DOCK3: variants seen among roughly 807,000 people sequenced by gnomAD.
The protein encoded by DOCK3 is dedicator of cytokinesis 3, also known as dedicator of cytokinesis protein 3.
Under a neutral mutation model 265.6 loss-of-function variants are expected in DOCK3, and 60 were observed. The observed-to-expected ratio is 0.23, with a 90% CI of 0.18 to 0.28. The LOEUF (loss-of-function observed/expected upper bound fraction) is 0.28, where lower values mean the gene tolerates loss of function less well. DOCK3 is among the 10% of genes least tolerant of loss of function. The probability of loss-of-function intolerance (pLI) is 1.00; values close to 1 mark genes in which losing one functional copy is unlikely to be tolerated. For synonymous variants in DOCK3, 881 were observed against 938.0 expected (o/e 0.94, Z 1.11); for missense variants, 1,981 against 2,594.3 (o/e 0.76, Z 5.14).
At chr3:51,031,595 CTTAG>C (rs1346557198) in intron 5 of DOCK3, among the ~76,000 whole-genome samples, 2 of 152,130 alleles carry the variant, frequency 1.3e-5, no homozygotes, top group East Asian at 1.9e-4. Context: ...CAATAATGTT[CTTAG>C]TTAGTATTTT....
chr3:51,341,353 C>G lies in DOCK3; in HGVS notation c.3883C>G (p.Arg1295Gly), dbSNP rs770085171. The G allele has an allele frequency of 5.0e-6, 8 of 1,613,816 alleles. No individual in the cohort carries two copies. The highest frequency in any genetic ancestry group is 1.7e-4 in the Middle Eastern group (1 of 6,060). ...TEWQRKEGLC[R>G]KIIHYFNKGK... ...GTGGCAGCGGAAGGAGGGACTGTGC[C>G]GGAAGATCATTCACTACTTCAACAA... The change falls in exon 38 of 53, where the codon CGG becomes GGG. Residue 1295 changes from arginine (R) to glycine (G), a missense_variant. Transcript: ENST00000266037.
chr3:50,730,517 C>T (rs1381581620), intron 1 of DOCK3, among the ~76,000 whole-genome samples: 1 of 152,158 alleles, frequency 6.6e-6, no homozygotes, highest in Non-Finnish European at 1.5e-5. Flanking sequence ...TAACCTTGAT[C>T]CAAAGCCTAA....
chr3:51,231,773 G>A (rs3856932), intron 19 of DOCK3, among the ~76,000 whole-genome samples: 127,028 of 152,198 alleles, frequency 0.83, 53,609 homozygotes, highest in Middle Eastern at 0.91. Context: ...TTAAAGTCAC[G>A]TTTGTCAATT....
chr3:51,189,664 A>G (rs1446829272), intron 12 of DOCK3, among the ~76,000 whole-genome samples: 2 of 152,176 alleles, frequency 1.3e-5, no homozygotes, highest in Non-Finnish European at 2.9e-5. Context: ...TCATTGGTTT[A>G]TGGGCACTTA....
intron 9 of DOCK3, among the ~76,000 whole-genome samples, chr3:51,098,079 C>T (rs1366421277): frequency 1.3e-5 from 2 of 152,112 alleles, no homozygotes; most frequent in Admixed American, 6.5e-5. Flanking sequence ...AGCCACCGAT[C>T]GGAGTTTTGC....
intron 6 of DOCK3, among the ~76,000 whole-genome samples, chr3:51,070,221 C>T (rs1192968510): frequency 6.6e-6 from 1 of 152,196 alleles, no homozygotes; most frequent in Non-Finnish European, 1.5e-5. Flanking sequence ...ACTCATTAAT[C>T]AATTGATATT....
chr3:51,018,381 T>C (rs1387912648), intron 5 of DOCK3, among the ~76,000 whole-genome samples: 2 of 150,912 alleles, frequency 1.3e-5, no homozygotes, highest in Non-Finnish European at 2.9e-5. Flanking sequence ...GTGGATCACT[T>C]GAGTCCAGGA....
chr3:51,150,035 C>G (rs945859690), intron 10 of DOCK3, among the ~76,000 whole-genome samples: 31 of 152,118 alleles, frequency 2.0e-4, no homozygotes, highest in Admixed American at 2.6e-4. Context: ...TTGGTCTATT[C>G]AGGGATTCAA....
intron 22 of DOCK3, among the ~76,000 whole-genome samples, chr3:51,252,796 T>G (rs1193233432): frequency 1.3e-5 from 2 of 152,246 alleles, no homozygotes; most frequent in Non-Finnish European, 2.9e-5. Flanking sequence ...TATACAATCA[T>G]GTCGTCTGCA....
intron 5 of DOCK3, among the ~76,000 whole-genome samples, chr3:50,956,498 T>G (rs984391926): frequency 2.6e-5 from 4 of 152,206 alleles, no homozygotes; most frequent in African/African-American, 4.8e-5. Context: ...CAGGTTGGAT[T>G]TTGGTGGTGA....
At chr3:51,013,750 T>G (rs1271654041) in intron 5 of DOCK3, among the ~76,000 whole-genome samples, 1 of 152,150 alleles carries the variant, frequency 6.6e-6, no homozygotes, top group Non-Finnish European at 1.5e-5. Context: ...TCTGCTGCCT[T>G]TTGTTCAGCT....
chr3:50,719,268 CTT>C (rs71084106), intron 1 of DOCK3, among the ~76,000 whole-genome samples: 1 of 138,706 alleles, frequency 7.2e-6, no homozygotes, highest in African/African-American at 2.7e-5. Flanking sequence ...TAGATATTTT[CTT>C]TTTTTTTTTT....
chr3:50,922,674 C>T (rs1475367880), intron 4 of DOCK3, among the ~76,000 whole-genome samples: 1 of 152,102 alleles, frequency 6.6e-6, no homozygotes, highest in East Asian at 1.9e-4. Context: ...TTGGAACCTC[C>T]TCCACCTCTG....
At chr3:51,150,822 G>T (rs1226355483) in intron 10 of DOCK3, among the ~76,000 whole-genome samples, 1 of 152,166 alleles carries the variant, frequency 6.6e-6, no homozygotes, top group Non-Finnish European at 1.5e-5. Context: ...TGTTGATTTG[G>T]GGTGGAGAGT....
intron 5 of DOCK3, among the ~76,000 whole-genome samples, chr3:50,966,149 C>G (rs1316224290): frequency 6.6e-6 from 1 of 151,952 alleles, no homozygotes; most frequent in Non-Finnish European, 1.5e-5. Flanking sequence ...CTGTAAATGG[C>G]TAGATCTTCT....
chr3:51,360,445 C>T (rs1480941769), intron 46 of DOCK3, 66 bp from the exon 47 acceptor site: 29 of 1,535,614 alleles, frequency 1.9e-5, no homozygotes, highest in Non-Finnish European at 2.2e-5. Context: ...GTCAGTTATT[C>T]CCTCACATCC....
At chr3:51,338,778 G>A (rs1314854105) in intron 36 of DOCK3, among the ~76,000 whole-genome samples, 157 bp from the exon 37 acceptor site, 2 of 152,134 alleles carry the variant, frequency 1.3e-5, no homozygotes, top group African/African-American at 4.8e-5. Flanking sequence ...CACAGCAGGT[G>A]TTCCTTCTGG....
intron 27 of DOCK3, among the ~76,000 whole-genome samples, chr3:51,288,242 A>G (rs933592262): frequency 4.6e-5 from 7 of 152,052 alleles, no homozygotes; most frequent in Non-Finnish European, 7.4e-5. Context: ...AAATACAAAA[A>G]TGAGTCGGGC....
intron 12 of DOCK3, among the ~76,000 whole-genome samples, chr3:51,204,298 T>A (rs2089029670): frequency 1.4e-5 from 2 of 144,878 alleles, no homozygotes; most frequent in South Asian, 4.4e-4. Flanking sequence ...GAATCTACAA[T>A]GAACTCAAAC....
Sources: gnomAD v4.1 joint callset for allele counts (sites outside exome capture counted in the v4.1 genomes callset) on GRCh38, gnomAD v4.1.1 for gene constraint, MANE v1.5 for transcripts, NCBI Gene and HGNC (gene_info 2026-07-23, HGNC 2026-07-21) for gene names.